PROM1: variants seen among roughly 807,000 people sequenced by gnomAD.
The protein encoded by PROM1 is prominin 1, also known as prominin-1.
A neutral mutation model predicts 116.9 loss-of-function variants in PROM1; 105 were observed. The ratio of observed to expected loss-of-function variants is 0.90; its 90% CI spans 0.77 to 1.06. The LOEUF (loss-of-function observed/expected upper bound fraction) is 1.06. PROM1 is among the 50% of genes least tolerant of loss of function. PROM1 has a pLI of 0.00. For synonymous variants in PROM1, 393 were observed against 387.0 expected (o/e 1.02, Z -0.18); for missense variants, 1,122 against 1,045.2 (o/e 1.07, Z -1.01).
chr4:15,975,294 A>C (rs1445030497), intron 26 of PROM1, among the ~76,000 whole-genome samples: 1 of 152,006 alleles, frequency 6.6e-6, no homozygotes, highest in Non-Finnish European at 1.5e-5. Context: ...ATCTCAGCTC[A>C]CTGCAACCTC....
intron 22 of PROM1, among the ~76,000 whole-genome samples, chr4:15,984,640 C>A (rs983543342): frequency 7.2e-5 from 11 of 152,156 alleles, no homozygotes; most frequent in Non-Finnish European, 1.3e-4. Flanking sequence ...AGCTCCACCT[C>A]CTGTCAGAGC....
chr4:16,074,301 T>C (rs1228687909), intron 2 of PROM1, among the ~76,000 whole-genome samples: 1 of 152,174 alleles, frequency 6.6e-6, no homozygotes, highest in African/African-American at 2.4e-5. Context: ...ACATTGCATG[T>C]CTGTATCAAA....
At chr4:15,974,564 A>T (rs1180585488) in intron 26 of PROM1, among the ~76,000 whole-genome samples, 3 of 152,206 alleles carry the variant, frequency 2.0e-5, no homozygotes, top group Non-Finnish European at 4.4e-5. Context: ...TTAGTTGTCA[A>T]ACTGCTCCTC....
In PROM1 at chr4:15,983,585, C is replaced by T. The variant is rs149419427; in HGVS notation, c.2373+678G>A. Among the ~76,000 whole-genome samples, 4 of 152,004 alleles carry T rather than the reference C, an allele frequency of 2.6e-5. No homozygotes were observed. The East Asian group carries it at 7.7e-4, about 29-fold the overall frequency. On this transcript the variant is annotated intron_variant, in intron 23 of 27. Coordinates refer to ENST00000447510, the MANE Select transcript of PROM1 (RefSeq NM_006017.3). The stretch of plus-strand genomic sequence containing the variant: ...GCAGAAGAAACGGCATGTGCATGGG[C>T]CCTAAGGTGGGGAAATTGAGATTTA...
chr4:15,990,067 G>A (rs1055658659), intron 18 of PROM1, among the ~76,000 whole-genome samples: 5 of 152,122 alleles, frequency 3.3e-5, no homozygotes, highest in African/African-American at 1.2e-4. Flanking sequence ...CAGAGACTGT[G>A]TTCTCTCCAC....
At chr4:16,025,836 C>T (rs896974656) in intron 5 of PROM1, among the ~76,000 whole-genome samples, 6 of 152,202 alleles carry the variant, frequency 3.9e-5, no homozygotes, top group Non-Finnish European at 7.3e-5. Flanking sequence ...CTCTAATTGT[C>T]TGTTAGTGCC....
At chr4:15,998,266 G>A in intron 15 of PROM1, 119 bp downstream of exon 15, 5 of 1,380,860 alleles carry the variant, frequency 3.6e-6, no homozygotes, top group Non-Finnish European at 4.8e-6. Flanking sequence ...ATACAGGACA[G>A]CTTATCTCTG....
chr4:16,040,384 C>T (rs1384706408), intron 2 of PROM1, among the ~76,000 whole-genome samples: 4 of 152,172 alleles, frequency 2.6e-5, no homozygotes, highest in South Asian at 2.1e-4. Flanking sequence ...AATCCCCTTC[C>T]GACAACACAG....
chr4:15,985,750 A>G lies in PROM1; in HGVS notation c.2280+10T>C. 6.5e-7 allele frequency: 1 copy of G among 1,528,798 alleles called. No individual in the cohort carries two copies. The highest frequency in any genetic ancestry group is 9.0e-7 in the Non-Finnish European group (1 of 1,107,776). The allele number at this position is 1,528,798 out of a possible 1,614,324, so 94.7% of individuals were successfully genotyped here. ...CCCCCCTTAACATTCATAAAAGATA[A>G]ACTACTTACAGAGAACTCGATCCAC... On this transcript the variant is annotated intron_variant, in intron 22 of 27. Transcript: ENST00000447510.
chr4:16,015,706 C>G (rs1025957124), intron 10 of PROM1, among the ~76,000 whole-genome samples: 2 of 151,536 alleles, frequency 1.3e-5, no homozygotes, highest in African/African-American at 4.9e-5. Flanking sequence ...CAAAACAAAA[C>G]AAAACAAAAA....
intron 1 of PROM1, among the ~76,000 whole-genome samples, chr4:16,078,780 T>A (rs1298908336): frequency 6.6e-6 from 1 of 152,240 alleles, no homozygotes; most frequent in Non-Finnish European, 1.5e-5. Flanking sequence ...GGACAACAGA[T>A]GGGATTTCTT....
At position 16,050,354 on chromosome 4, in the gene PROM1, T is replaced by C. The variant is rs958213593; in HGVS notation, c.221-11353A>G. On this transcript the variant is annotated intron_variant, in intron 2 of 27. Coordinates refer to ENST00000447510, the MANE Select transcript of PROM1 (RefSeq NM_006017.3). Reference sequence around the variant, plus strand: ...TGTTGCACTGATACAGGGTGTTTGTTTGGTTTTTGTTTTCTTTGAGACAGG... The same window carrying C: ...TGTTGCACTGATACAGGGTGTTTGTCTGGTTTTTGTTTTCTTTGAGACAGG... Among the ~76,000 whole-genome samples, 8 of 152,140 alleles carry C rather than the reference T, an allele frequency of 5.3e-5. No homozygotes were observed. The South Asian group carries it at 8.3e-4, about 16-fold the overall frequency.
At position 15,999,135 on chromosome 4, in the gene PROM1, C is replaced by T. The variant is rs560652115; in HGVS notation, c.1579-647G>A. 1.8e-4 allele frequency among the ~76,000 whole-genome samples: 28 copies of T among 152,262 alleles called. No individual in the cohort carries two copies. The South Asian group carries it at 4.8e-3, about 26-fold the overall frequency. ...TAATATACAGCCATTAAGTGGTGGA[C>T]CCAGTGCTGCGCTATTTCTCTCTCT... On this transcript the variant is annotated intron_variant, in intron 14 of 27. Transcript: ENST00000447510.
chr4:16,043,520 C>T (rs1735809065), intron 2 of PROM1, among the ~76,000 whole-genome samples: 2 of 152,204 alleles, frequency 1.3e-5, no homozygotes, highest in African/African-American at 2.4e-5. Flanking sequence ...TCACCAGGCC[C>T]CTGCTGGAAA....
At chr4:16,083,413 A>C (rs1745415520) in intron 1 of PROM1, 1 of 151,206 alleles carries the variant, frequency 6.6e-6, no homozygotes, top group Non-Finnish European at 1.5e-5. Flanking sequence ...TCAGACTAAA[A>C]AGTTTGGGTT....
At chr4:15,997,091 A>T (rs1425919918) in intron 15 of PROM1, among the ~76,000 whole-genome samples, 1 of 151,788 alleles carries the variant, frequency 6.6e-6, no homozygotes, top group Non-Finnish European at 1.5e-5. Context: ...CATAGCAGAG[A>T]GCTGCCCATG....
chr4:16,028,872 T>A (rs547314173), intron 5 of PROM1, among the ~76,000 whole-genome samples: 2 of 152,376 alleles, frequency 1.3e-5, no homozygotes, highest in East Asian at 3.9e-4. Context: ...TTTATTTTTA[T>A]GGCCTTACAT....
chr4:15,983,305 G>A (rs1014149371), intron 23 of PROM1, among the ~76,000 whole-genome samples: 2 of 152,320 alleles, frequency 1.3e-5, no homozygotes, highest in East Asian at 1.9e-4. Context: ...CCAACAGCGT[G>A]AAGGGCTTCA....
chr4:15,980,813 A>G (rs2149043408), intron 23 of PROM1, among the ~76,000 whole-genome samples: 1 of 152,220 alleles, frequency 6.6e-6, no homozygotes, highest in Non-Finnish European at 1.5e-5. Context: ...CAAGTGGTAA[A>G]GCCAGGATGC....
Sources: allele counts gnomAD v4.1 joint callset (sites outside exome capture counted in the v4.1 genomes callset), GRCh38; gene constraint gnomAD v4.1.1; transcripts MANE v1.5; gene names NCBI Gene and HGNC (gene_info 2026-07-23, HGNC 2026-07-21).